Variants in CLDN16 observed in about 807,000 individuals in gnomAD.
CLDN16 encodes the protein claudin-16.
A neutral mutation model predicts 24.6 loss-of-function variants in CLDN16; 13 were observed. The ratio of observed to expected loss-of-function variants is 0.53; its 90% CI spans 0.34 to 0.84. The LOEUF (loss-of-function observed/expected upper bound fraction) is 0.84, where lower values mean the gene tolerates loss of function less well. Among genes scored for constraint, CLDN16 ranks in the 40% least tolerant of loss-of-function variants. The pLI is 0.01. For missense variants in CLDN16, 298 were observed against 292.7 expected (o/e 1.02, Z -0.13); for synonymous variants, 116 against 106.7 (o/e 1.09, Z -0.54).
the CLDN16 span, among the ~76,000 whole-genome samples, chr3:190,305,468 T>C: frequency 6.6e-6 from 1 of 152,184 alleles, no homozygotes; most frequent in Non-Finnish European, 1.5e-5. Flanking sequence ...TTTTTATAGA[T>C]GAGAAAAAGT....
chr3:190,371,927 G>A (rs187447864), intron 2 of CLDN16, among the ~76,000 whole-genome samples: 20 of 152,000 alleles, frequency 1.3e-4, no homozygotes, highest in Non-Finnish European at 2.5e-4. Context: ...TACCTGGCTG[G>A]GCTGTTGACT....
chr3:190,408,135 A>G (rs1455600312), intron 3 of CLDN16, among the ~76,000 whole-genome samples, 179 bp from the exon 4 acceptor site: 1 of 152,248 alleles, frequency 6.6e-6, no homozygotes, highest in Non-Finnish European at 1.5e-5. Context: ...AAAAGATACA[A>G]GATGGAAGGC....
At chr3:190,406,587 T>A (rs1719106885) in intron 3 of CLDN16, among the ~76,000 whole-genome samples, 1 of 152,128 alleles carries the variant, frequency 6.6e-6, no homozygotes, top group African/African-American at 2.4e-5. Flanking sequence ...AACTTTAGAA[T>A]TAGTGTGCTA....
the CLDN16 span, among the ~76,000 whole-genome samples, chr3:190,314,258 T>C: frequency 2.6e-5 from 4 of 152,228 alleles, no homozygotes; most frequent in Admixed American, 1.3e-4. Context: ...GGCTTAGTGT[T>C]AATATTGTCA....
chr3:190,396,576 T>C (rs1014618840), intron 1 of CLDN16, among the ~76,000 whole-genome samples: 3 of 152,244 alleles, frequency 2.0e-5, no homozygotes, highest in Non-Finnish European at 4.4e-5. Flanking sequence ...GCCATGTTTG[T>C]CTTTATTATC....
At chr3:190,308,348 T>C in the CLDN16 span, 91 of 1,613,796 alleles carry the variant, frequency 5.6e-5, no homozygotes, top group Non-Finnish European at 7.1e-5. Flanking sequence ...GAGGTTGTTT[T>C]TCGGGGACAG....
chr3:190,378,775 C>A (rs1408021174), intron 3 of CLDN16, among the ~76,000 whole-genome samples: 1 of 152,018 alleles, frequency 6.6e-6, no homozygotes. Context: ...GTAATTTCCA[C>A]TGGACGTTTG....
intron 1 of CLDN16, among the ~76,000 whole-genome samples, chr3:190,329,825 C>T (rs1339681700): frequency 6.6e-6 from 1 of 151,988 alleles, no homozygotes; most frequent in East Asian, 1.9e-4. Flanking sequence ...GGAGAGGAAT[C>T]TTAGAGAGGT....
At chr3:190,402,203 T>C (rs1473360187) in intron 1 of CLDN16, 134 bp from the exon 2 acceptor site, 2 of 742,472 alleles carry the variant, frequency 2.7e-6, no homozygotes, top group Non-Finnish European at 4.9e-6. Flanking sequence ...TTGTTTGTTG[T>C]AAATGAAGTT....
At chr3:190,366,581 G>A (rs999584255) in intron 1 of CLDN16, among the ~76,000 whole-genome samples, 19 of 151,972 alleles carry the variant, frequency 1.3e-4, no homozygotes, top group South Asian at 2.1e-4. Context: ...AAGGGTGAGA[G>A]TAAGACTGGA....
chr3:190,404,635 A>G (rs1719043264), intron 2 of CLDN16, 127 bp from the exon 3 acceptor site: 2 of 875,704 alleles, frequency 2.3e-6, no homozygotes, highest in African/African-American at 1.6e-5. Flanking sequence ...AAGTTCATAC[A>G]AAGTCTGACT....
chr3:190,293,794 C>T, the CLDN16 span, among the ~76,000 whole-genome samples: 51 of 152,192 alleles, frequency 3.4e-4, 1 homozygote, highest in East Asian at 5.2e-3. Flanking sequence ...ACAGTTAAAC[C>T]GAGAAGATTA....
chr3:190,325,618 A>G (rs925848595), intron 1 of CLDN16, among the ~76,000 whole-genome samples: 2 of 152,256 alleles, frequency 1.3e-5, no homozygotes, highest in Non-Finnish European at 2.9e-5. Flanking sequence ...AGATATACAC[A>G]TAAAAGACAG....
At chr3:190,344,829 G>C (rs989889447) in intron 1 of CLDN16, among the ~76,000 whole-genome samples, 1 of 152,104 alleles carries the variant, frequency 6.6e-6, no homozygotes, top group Non-Finnish European at 1.5e-5. Flanking sequence ...GCTCATGCTA[G>C]GAATTTGGTT....
At chr3:190,343,569 A>T (rs1194865900) in intron 1 of CLDN16, among the ~76,000 whole-genome samples, 2 of 152,140 alleles carry the variant, frequency 1.3e-5, no homozygotes, top group African/African-American at 4.8e-5. Context: ...ACATCAGTGG[A>T]TGAATGGATA....
chr3:190,350,040 C>G (rs981699243), intron 1 of CLDN16, among the ~76,000 whole-genome samples: 1 of 152,062 alleles, frequency 6.6e-6, no homozygotes, highest in African/African-American at 2.4e-5. Context: ...CCTGACCAAA[C>G]AAGCTATGGG....
chr3:190,305,201 C>A, the CLDN16 span, among the ~76,000 whole-genome samples: 2 of 152,260 alleles, frequency 1.3e-5, no homozygotes, highest in East Asian at 3.9e-4. Flanking sequence ...AGCCTGGTCT[C>A]AATATGAACA....
chr3:190,385,856 T>A (rs1490929869), upstream of CLDN16, among the ~76,000 whole-genome samples: 1 of 152,174 alleles, frequency 6.6e-6, no homozygotes, highest in Non-Finnish European at 1.5e-5. Context: ...AGTATGGCCA[T>A]CTGTTTCAAA....
At chr3:190,357,424 A>C (rs138865493) in intron 1 of CLDN16, among the ~76,000 whole-genome samples, 1 of 151,996 alleles carries the variant, frequency 6.6e-6, no homozygotes, top group East Asian at 1.9e-4. Context: ...TGCCTGGATT[A>C]ACATAACAAC....
Sources: allele counts gnomAD v4.1 joint callset (sites outside exome capture counted in the v4.1 genomes callset), GRCh38; gene constraint gnomAD v4.1.1; transcripts MANE v1.5; gene names NCBI Gene and HGNC (gene_info 2026-07-23, HGNC 2026-07-21).